The following ZNF782 variants were observed in gnomAD, a reference collection of about 807,000 sequenced individuals.
The protein encoded by ZNF782 is zinc finger protein 782.
Under a neutral mutation model 13.0 loss-of-function variants are expected in ZNF782, and 12 were observed. The ratio of observed to expected loss-of-function variants is 0.92; its 90% CI spans 0.59 to 1.50. The LOEUF is 1.50. Among genes scored for constraint, ZNF782 ranks in the 40% most tolerant of loss-of-function variants. ZNF782 has a pLI of 0.00. For missense variants in ZNF782, 770 were observed against 822.9 expected (o/e 0.94, Z 0.79); for synonymous variants, 284 against 283.0 (o/e 1.00, Z -0.04).
chr9:96,917,225 C>T, the ZNF782 span, among the ~76,000 whole-genome samples: 9 of 124,116 alleles, frequency 7.3e-5, no homozygotes, highest in African/African-American at 2.5e-4. Flanking sequence ...TCAGCGCACC[C>T]GGGCCCACCT....
At chr9:96,834,070 A>C (rs1391326559) in intron 4 of ZNF782, among the ~76,000 whole-genome samples, 1 of 152,168 alleles carries the variant, frequency 6.6e-6, no homozygotes, top group African/African-American at 2.4e-5. Context: ...GTGTTCGGTC[A>C]CGGGGCTGGA....
At chr9:96,887,082 G>C in the ZNF782 span, among the ~76,000 whole-genome samples, 2 of 152,044 alleles carry the variant, frequency 1.3e-5, no homozygotes, top group African/African-American at 2.4e-5. Flanking sequence ...GGGAGGCCAA[G>C]ATGGGCAGAT....
At chr9:96,906,851 A>G in the ZNF782 span, among the ~76,000 whole-genome samples, 1 of 152,288 alleles carries the variant, frequency 6.6e-6, no homozygotes, top group Admixed American at 6.5e-5. Context: ...CCAACCGTCT[A>G]ATCATTTCTG....
upstream of ZNF782, among the ~76,000 whole-genome samples, chr9:96,879,135 A>G (rs1327244759): frequency 6.6e-6 from 1 of 151,738 alleles, no homozygotes; most frequent in East Asian, 1.9e-4. Context: ...TGCTGGCATA[A>G]TAACAAGGAA....
upstream of ZNF782, among the ~76,000 whole-genome samples, chr9:96,879,444 G>C (rs529598725): frequency 1.3e-5 from 2 of 152,140 alleles, no homozygotes; most frequent in African/African-American, 2.4e-5. Flanking sequence ...CAGAGCTTGC[G>C]GTGAGCCCAG....
chr9:96,872,112 G>A (rs1361464549), intron 1 of ZNF782, among the ~76,000 whole-genome samples: 1 of 152,166 alleles, frequency 6.6e-6, no homozygotes, highest in Non-Finnish European at 1.5e-5. Context: ...TATCATTTAT[G>A]GAGTGCAGAG....
At chr9:96,903,522 G>A in the ZNF782 span, among the ~76,000 whole-genome samples, 2,536 of 145,096 alleles carry the variant, frequency 0.017, 130 homozygotes, top group East Asian at 0.22. Flanking sequence ...GTTTTCATGT[G>A]ACCATAACTT....
chr9:96,902,650 A>C, the ZNF782 span, among the ~76,000 whole-genome samples: 1 of 137,396 alleles, frequency 7.3e-6, no homozygotes. Flanking sequence ...TTCTTTTGTG[A>C]AGTTATTTTT....
At chr9:96,896,862 A>G in the ZNF782 span, among the ~76,000 whole-genome samples, 2 of 152,234 alleles carry the variant, frequency 1.3e-5, no homozygotes, top group African/African-American at 4.8e-5. Context: ...CTCTACAGGC[A>G]AATCAGTGTG....
At chr9:96,849,886 C>T (rs1396894733) in intron 3 of ZNF782, among the ~76,000 whole-genome samples, 1 of 151,680 alleles carries the variant, frequency 6.6e-6, no homozygotes, top group Non-Finnish European at 1.5e-5. Flanking sequence ...TACAAATGTC[C>T]AATAAACACA....
At chr9:96,930,117 C>T in the ZNF782 span, among the ~76,000 whole-genome samples, 4 of 152,188 alleles carry the variant, frequency 2.6e-5, no homozygotes, top group African/African-American at 9.6e-5. Context: ...TGGCCTGTGG[C>T]CCAAGAACCC....
chr9:96,854,929 G>T (rs1851619619), upstream of ZNF782, among the ~76,000 whole-genome samples: 1 of 151,638 alleles, frequency 6.6e-6, no homozygotes, highest in Admixed American at 6.6e-5. Flanking sequence ...TTTAAAAAAA[G>T]GGATCACTAC....
intron 5 of ZNF782, among the ~76,000 whole-genome samples, chr9:96,823,545 T>C (rs1334612555): frequency 6.6e-6 from 1 of 152,214 alleles, no homozygotes; most frequent in Non-Finnish European, 1.5e-5. Flanking sequence ...TCTCTGTTTT[T>C]TGACCTGAAT....
upstream of ZNF782, among the ~76,000 whole-genome samples, chr9:96,854,923 A>ATTT (rs1564013358): frequency 1.7e-4 from 26 of 149,560 alleles, no homozygotes; most frequent in African/African-American, 5.9e-4. Flanking sequence ...TTTTTTTTTA[A>ATTT]AAAAAGGGAT....
chr9:96,918,262 G>A, the ZNF782 span, among the ~76,000 whole-genome samples: 3 of 149,448 alleles, frequency 2.0e-5, no homozygotes, highest in South Asian at 4.2e-4. Flanking sequence ...TTAGCTGGGC[G>A]AGGTGGCCTG....
At chr9:96,916,674 G>C in the ZNF782 span, among the ~76,000 whole-genome samples, 1 of 151,988 alleles carries the variant, frequency 6.6e-6, no homozygotes, top group African/African-American at 2.4e-5. Flanking sequence ...TGCCTGCGGT[G>C]TGCAGCGGCT....
intron 3 of ZNF782, among the ~76,000 whole-genome samples, chr9:96,847,958 A>G (rs1467756818): frequency 1.3e-5 from 2 of 152,218 alleles, no homozygotes; most frequent in Non-Finnish European, 2.9e-5. Context: ...TAGCACATTA[A>G]AAATCACATC....
the ZNF782 span, among the ~76,000 whole-genome samples, chr9:96,899,270 T>C: frequency 6.6e-6 from 1 of 151,762 alleles, no homozygotes; most frequent in Admixed American, 6.5e-5. Flanking sequence ...ATTATAGTTA[T>C]CCTTGTAGGT....
chr9:96,847,447 A>T (rs777905507), intron 3 of ZNF782, among the ~76,000 whole-genome samples: 5 of 152,182 alleles, frequency 3.3e-5, no homozygotes, highest in Admixed American at 6.5e-5. Context: ...AAGAAAGAAG[A>T]TCCAAATAAG....
Sources: allele counts gnomAD v4.1 joint callset (sites outside exome capture counted in the v4.1 genomes callset), GRCh38; gene constraint gnomAD v4.1.1; transcripts MANE v1.5; gene names NCBI Gene and HGNC (gene_info 2026-07-23, HGNC 2026-07-21).